Variants in POC5 observed in about 807,000 individuals in gnomAD.
POC5 encodes centrosomal protein POC5.
Under a neutral mutation model 62.9 loss-of-function variants are expected in POC5, and 48 were observed. The ratio of observed to expected loss-of-function variants is 0.76; its 90% CI spans 0.61 to 0.97. The LOEUF is 0.97. Ranked by LOEUF, POC5 falls within the 50% of genes least tolerant of loss-of-function variation. The pLI, the probability that POC5 is intolerant of heterozygous loss-of-function variation, is 0.00. For missense variants in POC5, 696 were observed against 679.5 expected (o/e 1.02, Z -0.27); for synonymous variants, 236 against 228.2 (o/e 1.03, Z -0.31).
intron 1 of POC5, 144 bp from the exon 2 acceptor site, chr5:75,713,095 A>G (rs1777416336): frequency 1.6e-6 from 1 of 610,430 alleles, no homozygotes; most frequent in African/African-American, 1.9e-5. Context: ...TTGAGTACCT[A>G]CAGGCAAAAA....
Position 75,674,592 on chromosome 5 carries a change from A to G in POC5, c.1585-14T>C. The stretch of plus-strand genomic sequence containing the variant: ...AGGAATGGTTTGCTGAAAAGACAAA[A>G]TTCTGCTTTAATAATATCCCAAGAT... On this transcript the variant is annotated splice_polypyrimidine_tract_variant and intron_variant, in intron 11 of 11. Transcript: ENST00000428202. 1 of 1,613,040 alleles carries G rather than the reference A, an allele frequency of 6.2e-7. No homozygotes were observed. Among genetic ancestry groups the G allele is most frequent in the African/African-American group, 1.3e-5 (1 of 75,012 alleles).
chr5:75,698,364 C>G (rs1471511412), intron 5 of POC5, among the ~76,000 whole-genome samples: 3 of 151,948 alleles, frequency 2.0e-5, no homozygotes, highest in Non-Finnish European at 4.4e-5. Flanking sequence ...TTATAACAAA[C>G]TATCTCTCAG....
At chr5:75,716,391 G>GC in intron 1 of POC5, among the ~76,000 whole-genome samples, 1 of 87,046 alleles carries the variant, frequency 1.1e-5, no homozygotes, top group Non-Finnish European at 2.0e-5. Flanking sequence ...GGTGGGGGGG[G>GC]GGGGGTGCTG....
intron 9 of POC5, among the ~76,000 whole-genome samples, chr5:75,686,532 G>A (rs1386074114): frequency 1.3e-5 from 2 of 152,188 alleles, no homozygotes; most frequent in Admixed American, 6.5e-5. Context: ...GAACTCCTCT[G>A]ATGAAAGGGA....
intron 2 of POC5, among the ~76,000 whole-genome samples, chr5:75,712,060 T>G (rs1777366434): frequency 6.6e-6 from 1 of 152,202 alleles, no homozygotes; most frequent in Non-Finnish European, 1.5e-5. Context: ...CCTGTAAATA[T>G]TCAGATATTT....
At chr5:75,682,714 A>G (rs1218274647) in intron 10 of POC5, among the ~76,000 whole-genome samples, 2 of 151,950 alleles carry the variant, frequency 1.3e-5, no homozygotes, top group Non-Finnish European at 2.9e-5. Flanking sequence ...ACAGGGTTTC[A>G]CCACATTGGC....
At chr5:75,698,624 C>T (rs1776717302) in intron 5 of POC5, among the ~76,000 whole-genome samples, 1 of 151,528 alleles carries the variant, frequency 6.6e-6, no homozygotes, top group Admixed American at 6.6e-5. Context: ...AGGAAAGATC[C>T]AAAATTGACA....
In POC5 at chr5:75,693,806, G is replaced by A. The variant is rs116492260; in HGVS notation, c.690+849C>T. Among the ~76,000 whole-genome samples, 41 of 152,158 alleles carry A rather than the reference G, an allele frequency of 2.7e-4. No homozygotes were observed. In the East Asian group the frequency reaches 6.4e-3, roughly 24 times the overall value. On this transcript the variant is annotated intron_variant, in intron 6 of 11. Transcript: ENST00000428202. ...CCTATCCATAAGTGGATGCCCCTCC[G>A]GACATCCATTTATAGCCGGGCACAG...
At chr5:75,690,158 A>C (rs995658913) in intron 8 of POC5, among the ~76,000 whole-genome samples, 1 of 152,162 alleles carries the variant, frequency 6.6e-6, no homozygotes, top group African/African-American at 2.4e-5. Flanking sequence ...GGTCTACAGG[A>C]GTGAGGCACC....
intron 4 of POC5, among the ~76,000 whole-genome samples, chr5:75,704,189 TAA>T (rs1253702304): frequency 6.6e-6 from 1 of 150,716 alleles, no homozygotes; most frequent in Non-Finnish European, 1.5e-5. Context: ...AAAGAAAAGT[TAA>T]TATTTTCTCA....
chr5:75,690,632 A>C, intron 7 of POC5, 70 bp from the exon 8 acceptor site: 3 of 1,217,098 alleles, frequency 2.5e-6, no homozygotes, highest in Non-Finnish European at 3.4e-6. Flanking sequence ...AATAATAAAC[A>C]TAACATGGTG....
intron 4 of POC5, among the ~76,000 whole-genome samples, chr5:75,703,847 G>T (rs899996302): frequency 2.6e-5 from 4 of 151,442 alleles, no homozygotes; most frequent in African/African-American, 7.3e-5. Context: ...AAGAGAACAG[G>T]TATCTATTTC....
intron 5 of POC5, among the ~76,000 whole-genome samples, chr5:75,696,476 C>T (rs1488336029): frequency 1.3e-5 from 2 of 152,072 alleles, no homozygotes; most frequent in African/African-American, 4.8e-5. Context: ...GCCGGGTACT[C>T]CAACAGACCT....
chr5:75,704,817 A>C (rs934444249), intron 4 of POC5, among the ~76,000 whole-genome samples: 1 of 152,220 alleles, frequency 6.6e-6, no homozygotes, highest in Non-Finnish European at 1.5e-5. Flanking sequence ...AATAACATTA[A>C]ATAGAAAAAT....
intron 5 of POC5, among the ~76,000 whole-genome samples, chr5:75,701,980 C>T (rs1776905037): frequency 6.6e-6 from 1 of 152,162 alleles, no homozygotes; most frequent in Non-Finnish European, 1.5e-5. Flanking sequence ...CTCAGTTACA[C>T]ACAGGCTGAG....
Position 75,700,351 on chromosome 5 carries a change from G to T in POC5, c.513+2254C>A, listed in dbSNP as rs1458316352. Among the ~76,000 whole-genome samples the T allele has an allele frequency of 1.2e-3, 188 of 151,300 alleles. 1 individual carries two copies. Among genetic ancestry groups the T allele is most frequent in the African/African-American group, 4.3e-3 (178 of 41,264 alleles). On this transcript the variant is annotated intron_variant, in intron 5 of 11. Coordinates refer to ENST00000428202, the MANE Select transcript of POC5 (RefSeq NM_001099271.2). ...AGGCTACAGTAACCAAAACAGCATG[G>T]TACTGGTACCAAAACAGAGATATAG...
intron 10 of POC5, among the ~76,000 whole-genome samples, chr5:75,678,370 C>G (rs1350078698): frequency 6.6e-6 from 1 of 151,948 alleles, no homozygotes; most frequent in Non-Finnish European, 1.5e-5. Flanking sequence ...GTCATTTTAT[C>G]ACCTAAGTTC....
chr5:75,690,411 G>C lies in POC5; in HGVS notation c.947C>G (p.Ser316Cys), dbSNP rs766769077. 1 of 1,611,026 alleles carries C rather than the reference G, an allele frequency of 6.2e-7. No individual in the cohort carries two copies. The highest frequency in any genetic ancestry group is 8.5e-7 in the Non-Finnish European group (1 of 1,178,804). The change falls in exon 8 of 12, where the codon TCC becomes TGC. Residue 316 changes from serine (S) to cysteine (C), a missense_variant. Physicochemically the swap from Ser to Cys is moderately radical, Grantham distance 112 (BLOSUM62 -1). Transcript: ENST00000428202. ...AGCAACTTTGGCTTCATAATCATTG[G>C]AAATCTGGATACAAACTTCTTCAGC... ...ARAEEVCIQI[S>C]NDYEAKVAML...
At chr5:75,676,732 G>A (rs1389640766) in intron 11 of POC5, among the ~76,000 whole-genome samples, 2 of 151,960 alleles carry the variant, frequency 1.3e-5, no homozygotes, top group Non-Finnish European at 2.9e-5. Context: ...TGAGGCAGGA[G>A]AATTGTTTGA....
Sources: gnomAD v4.1 joint callset for allele counts (sites outside exome capture counted in the v4.1 genomes callset) on GRCh38, gnomAD v4.1.1 for gene constraint, MANE v1.5 for transcripts, NCBI Gene and HGNC (gene_info 2026-07-23, HGNC 2026-07-21) for gene names.